Variants in SCML2 observed in about 807,000 individuals in gnomAD.
The protein encoded by SCML2 is sex comb on midleg-like protein 2.
SCML2 carries 6 observed loss-of-function variants against 48.4 expected under a neutral mutation model. That is an observed-to-expected ratio of 0.12 (90% CI 0.07 to 0.24). The LOEUF (loss-of-function observed/expected upper bound fraction) is 0.24. Ranked by LOEUF, SCML2 falls within the 10% of genes least tolerant of loss-of-function variation. SCML2 has a pLI of 1.00. For synonymous variants in SCML2, 181 were observed against 189.5 expected, an observed-to-expected ratio of 0.95 and a Z score of 0.37; for missense variants, 377 against 528.2, an observed-to-expected ratio of 0.71 and a Z score of 2.81.
At chrX:18,341,193 C>A in intron 1 of SCML2, 1 of 504,296 alleles carries the variant, frequency 2.0e-6, no homozygotes, top group Non-Finnish European at 3.0e-6. Context: ...CCTTGGTTTG[C>A]CCACTAGGAT....
At chrX:18,301,618 A>T (rs896021379) in intron 7 of SCML2, among the ~76,000 whole-genome samples, 3 of 110,426 alleles carry the variant, frequency 2.7e-5, no homozygotes, top group African/African-American at 9.9e-5. Flanking sequence ...CCAAAAATTT[A>T]AAAAATTAGC....
At chrX:18,342,190 G>T (rs919400611) in intron 1 of SCML2, among the ~76,000 whole-genome samples, 20 of 111,704 alleles carry the variant, frequency 1.8e-4, no homozygotes, top group Admixed American at 7.6e-4. Context: ...CAAGTAACTT[G>T]CCTTGATACA....
At chrX:18,243,771 G>C (rs1926348742) in intron 13 of SCML2, among the ~76,000 whole-genome samples, 1 of 111,852 alleles carries the variant, frequency 8.9e-6, no homozygotes, top group African/African-American at 3.2e-5. Context: ...TAAAATCTGT[G>C]TCCTGACAAG....
chrX:18,334,440 A>C (rs1409372633), intron 1 of SCML2, among the ~76,000 whole-genome samples: 1 of 111,788 alleles, frequency 8.9e-6, no homozygotes, highest in Non-Finnish European at 1.9e-5. Context: ...CAATTTTTAA[A>C]ATTAATTGAG....
chrX:18,310,260 CTTTTTTT>C (rs773391164), intron 6 of SCML2, among the ~76,000 whole-genome samples: 2 of 62,368 alleles, frequency 3.2e-5, no homozygotes, highest in Admixed American at 4.5e-4. Flanking sequence ...AACCACCTCC[CTTTTTTT>C]TTTTTTTTTT....
At chrX:18,346,272 AGGATGTTC>A (rs1930198517) in intron 1 of SCML2, among the ~76,000 whole-genome samples, 1 of 110,254 alleles carries the variant, frequency 9.1e-6, no homozygotes. Context: ...ATCTCTTTCT[AGGATGTTC>A]ATGGTCTCAA....
chrX:18,320,469 C>T, intron 5 of SCML2, 49 bp from the exon 6 acceptor site: 1 of 773,745 alleles, frequency 1.3e-6, no homozygotes, highest in Non-Finnish European at 1.9e-6. Context: ...CCTTGTGATA[C>T]TATTAACAAG....
At chrX:18,256,521 A>C (rs1446126364) in intron 11 of SCML2, among the ~76,000 whole-genome samples, 1 of 111,507 alleles carries the variant, frequency 9.0e-6, no homozygotes, top group African/African-American at 3.3e-5. Context: ...CTTTATAGCC[A>C]ATAGGCTCAA....
chrX:18,267,011 C>T (rs1927278427), intron 7 of SCML2, among the ~76,000 whole-genome samples: 1 of 112,099 alleles, frequency 8.9e-6, no homozygotes, highest in Non-Finnish European at 1.9e-5. Flanking sequence ...AGTCCAGTAA[C>T]CTAACACACA....
chrX:18,287,814 T>C (rs186407095), intron 7 of SCML2, among the ~76,000 whole-genome samples: 8 of 111,540 alleles, frequency 7.2e-5, no homozygotes, highest in Non-Finnish European at 1.5e-4. Context: ...GCTCTAAGAA[T>C]CTTGTTTTTA....
intron 13 of SCML2, among the ~76,000 whole-genome samples, chrX:18,243,985 T>C (rs1298726441): frequency 8.9e-6 from 1 of 112,243 alleles, no homozygotes. Flanking sequence ...GCATTTTAAG[T>C]ATATTTACCT....
At chrX:18,261,536 A>C (rs1440993946) in intron 8 of SCML2, among the ~76,000 whole-genome samples, 2 of 110,017 alleles carry the variant, frequency 1.8e-5, no homozygotes, top group Non-Finnish European at 3.8e-5. Context: ...GATCCCATAA[A>C]TACATACAAG....
rs1259721239 is a variant in SCML2, at chrX:18,265,784, A to T, written c.749T>A (p.Ile250Lys). ...GGAAGGAGAAGACTCTGTTTTTGCT[A>T]TATTCTTTACAATAGGAACTGAGGA... is the stretch of plus-strand genomic sequence containing the variant. Reference protein sequence around the residue: ...PGTSVPIVKNIAKTESSPSEA... With the variant: ...PGTSVPIVKNKAKTESSPSEA... The change falls in exon 8 of 15, where the codon ATA (isoleucine) becomes AAA (lysine). Residue 250 changes from isoleucine (I) to lysine (K), a missense_variant. By Grantham distance (102) the Ile-to-Lys change is moderately radical (BLOSUM62 -3). Transcript: ENST00000251900. 1 of 1,205,310 alleles carries T rather than the reference A, an allele frequency of 8.3e-7. No homozygotes were observed. The highest frequency in any genetic ancestry group is 2.2e-5 in the Admixed American group (1 of 45,836).
At chrX:18,297,869 C>T (rs1928448526) in intron 7 of SCML2, among the ~76,000 whole-genome samples, 1 of 110,472 alleles carries the variant, frequency 9.1e-6, no homozygotes, top group Non-Finnish European at 1.9e-5. Flanking sequence ...ATTAGCTGGG[C>T]ATGGTGACAC....
rs1405664307 is a variant in SCML2 at position 18,323,793 on chromosome X, C to T, written c.397+66G>A. The T allele has an allele frequency of 3.3e-6, 3 of 902,418 alleles. No individual in the cohort carries two copies. The East Asian group carries it at 9.3e-5, about 28-fold the overall frequency. 74.4% of individuals were successfully genotyped at this position (902,418 alleles called of 1,213,427 possible). ...CAAGAAAATAAATTTTAAAAGGCCA[C>T]TTAAAGCCATTTCTATTGAATATCA... On this transcript the variant is annotated intron_variant, in intron 5 of 14. Coordinates refer to ENST00000251900, the MANE Select transcript of SCML2 (RefSeq NM_006089.3).
intron 7 of SCML2, among the ~76,000 whole-genome samples, chrX:18,302,164 A>G (rs961638293): frequency 9.1e-6 from 1 of 110,102 alleles, no homozygotes; most frequent in Non-Finnish European, 1.9e-5. Flanking sequence ...TCTTTTTAAC[A>G]CTGTACATTT....
chrX:18,286,802 A>G (rs1198507230), intron 7 of SCML2, among the ~76,000 whole-genome samples: 1 of 111,524 alleles, frequency 9.0e-6, no homozygotes, highest in African/African-American at 3.3e-5. Flanking sequence ...TCATTTTCAA[A>G]GATTTGTTTT....
At chrX:18,299,346 T>A (rs1183052806) in intron 7 of SCML2, among the ~76,000 whole-genome samples, 6 of 108,988 alleles carry the variant, frequency 5.5e-5, no homozygotes. Context: ...ATCCCATCTC[T>A]ACTAAAAATA....
At chrX:18,346,572 T>A (rs1232785182) in intron 1 of SCML2, among the ~76,000 whole-genome samples, 1 of 112,242 alleles carries the variant, frequency 8.9e-6, no homozygotes, top group Non-Finnish European at 1.9e-5. Flanking sequence ...TTATTATACA[T>A]ACACAATTTA....
Sources: gnomAD v4.1 joint callset for allele counts (sites outside exome capture counted in the v4.1 genomes callset) on GRCh38, gnomAD v4.1.1 for gene constraint, MANE v1.5 for transcripts, NCBI Gene and HGNC (gene_info 2026-07-23, HGNC 2026-07-21) for gene names.